The following TNRC6C variants were observed in gnomAD, a reference collection of about 807,000 sequenced individuals.
TNRC6C encodes the protein trinucleotide repeat-containing gene 6C protein.
Under a neutral mutation model 153.7 loss-of-function variants are expected in TNRC6C, and 20 were observed. That is an observed-to-expected ratio of 0.13 (90% CI 0.09 to 0.19). TNRC6C has a LOEUF of 0.19. Ranked by LOEUF, TNRC6C falls within the 10% of genes least tolerant of loss-of-function variation. TNRC6C has a pLI of 1.00. For synonymous variants in TNRC6C, 811 were observed against 841.4 expected (o/e 0.96, Z 0.63); for missense variants, 1,987 against 2,172.0 (o/e 0.91, Z 1.69).
intron 1 of TNRC6C, chr17:78,008,706 C>T (rs544487504): frequency 6.6e-6 from 1 of 152,166 alleles, no homozygotes; most frequent in East Asian, 1.9e-4. Context: ...TTGTTGTAGT[C>T]AACTTTTTCT....
At chr17:77,976,426 C>A (rs2070998114) in intron 1 of TNRC6C, among the ~76,000 whole-genome samples, 1 of 152,186 alleles carries the variant, frequency 6.6e-6, no homozygotes, top group Non-Finnish European at 1.5e-5. Context: ...AGGATTTGTT[C>A]TTGTGATGAT....
At chr17:78,100,913 C>G (rs1311848090) in intron 17 of TNRC6C, among the ~76,000 whole-genome samples, 2 of 151,474 alleles carry the variant, frequency 1.3e-5, no homozygotes, top group East Asian at 3.9e-4. Flanking sequence ...GTAGCTGGGA[C>G]TACAGGTGCC....
At position 78,091,495 on chromosome 17, in the gene TNRC6C, G is replaced by A. The variant is rs759547862; in HGVS notation, c.3858G>A (p.Ser1286=). ...GCATGGACATGACCGGTGGCTTGTC[G>A]GTGAAGGACCCATCCCAGTCCCAGT... Residue 1286 remains serine, a synonymous_variant, in exon 14 of 20, where the codon TCG becomes TCA. Coordinates refer to ENST00000301624, the Ensembl canonical transcript of TNRC6C. The A allele has an allele frequency of 2.3e-5, 37 of 1,608,642 alleles. No homozygotes were observed. In the Admixed American group the frequency reaches 2.5e-4, roughly 11 times the overall value.
intron 1 of TNRC6C, among the ~76,000 whole-genome samples, chr17:78,012,644 C>G (rs2071656455): frequency 6.6e-6 from 1 of 152,124 alleles, no homozygotes; most frequent in African/African-American, 2.4e-5. Flanking sequence ...GTCAGTAGGT[C>G]AGTATAAGCA....
intron 2 of TNRC6C, among the ~76,000 whole-genome samples, chr17:78,042,655 G>T (rs1484783769): frequency 1.3e-5 from 2 of 151,816 alleles, no homozygotes; most frequent in African/African-American, 4.8e-5. Context: ...AAGAATATGT[G>T]GTGATGGTGG....
rs374701318 is a variant in TNRC6C, at chr17:78,067,861, T to C, written c.2716T>C (p.Ser906Pro). ...AGGGGACGTGTGGAATAATGCTGCTTCCCAAGAAAGCACCTCCTCCTGCAG... is the reference window on the plus strand; with the variant it reads ...AGGGGACGTGTGGAATAATGCTGCTCCCCAAGAAAGCACCTCCTCCTGCAG... Residue 906 changes from serine (S) to proline (P), a missense_variant, in exon 5 of 20, where the codon TCC becomes CCC. Ser to Pro is a moderately conservative substitution (Grantham distance 74). This residue lies in a region of TNRC6C where 765 missense variants were observed against 908.6 expected (regional missense o/e 0.84). Transcript: ENST00000301624. 8.4e-5 allele frequency: 135 copies of C among 1,613,632 alleles called. No individual in the cohort carries two copies. Among genetic ancestry groups the C allele is most frequent in the Non-Finnish European group, 1.1e-4 (129 of 1,179,800 alleles).
Position 78,049,274 on chromosome 17 carries a change from A to T in TNRC6C, c.212A>T (p.Asp71Val), listed in dbSNP as rs769288419. 6.2e-7 allele frequency: 1 copy of T among 1,612,568 alleles called. No homozygotes were observed. The highest frequency in any genetic ancestry group is 1.1e-5 in the South Asian group (1 of 90,868). ...GCTCACTGCTCTGTCAGTGGTGGGG[A>T]TGGAAAAATGGACACTATGATTGGA... The change falls in exon 3 of 20, where the codon GAT (aspartate) becomes GTT (valine). Residue 71 changes from aspartate (D) to valine (V), a missense_variant. Around this residue, in one of 4 missense-constraint regions of TNRC6C, gnomAD observed 1,052 missense variants for 1,017.0 expected, o/e 1.03. Coordinates refer to ENST00000301624, the Ensembl canonical transcript of TNRC6C. This position sits in a 1 kb window ranked among gnomAD's most constrained non-coding sequence, Gnocchi z 4.1.
At chr17:77,958,410 A>C (rs995756649), upstream of TNRC6C, among the ~76,000 whole-genome samples, 1 of 151,570 alleles carries the variant, frequency 6.6e-6, no homozygotes, top group East Asian at 2.0e-4. Flanking sequence ...CGGAGCGCGC[A>C]CCGCTCGCAC....
At chr17:77,976,042 T>C (rs961248458) in intron 1 of TNRC6C, among the ~76,000 whole-genome samples, 2 of 151,880 alleles carry the variant, frequency 1.3e-5, no homozygotes, top group African/African-American at 2.4e-5. Flanking sequence ...TGAGCCTTTG[T>C]TTGCTCAGCT....
At chr17:78,046,650 A>T (rs1013324914) in intron 2 of TNRC6C, among the ~76,000 whole-genome samples, 1 of 152,200 alleles carries the variant, frequency 6.6e-6, no homozygotes, top group Non-Finnish European at 1.5e-5. Flanking sequence ...CTTCTACAAG[A>T]TGATACAATG....
exon 15 of TNRC6C, chr17:78,093,040 C>T: frequency 1.2e-6 from 2 of 1,613,842 alleles, no homozygotes; most frequent in Non-Finnish European, 1.7e-6. Flanking sequence ...AGCCAGTCCT[C>T]CCGTAGCTGT....
At chr17:78,003,883 T>G (rs1331307524), upstream of TNRC6C, among the ~76,000 whole-genome samples, 1 of 152,204 alleles carries the variant, frequency 6.6e-6, no homozygotes, top group Non-Finnish European at 1.5e-5. Context: ...GGGGCTGGAC[T>G]GTAGGAGCTG....
intron 1 of TNRC6C, among the ~76,000 whole-genome samples, chr17:77,991,678 T>C (rs2071252647): frequency 6.6e-6 from 1 of 152,176 alleles, no homozygotes; most frequent in Non-Finnish European, 1.5e-5. Flanking sequence ...GTCTCTTTAT[T>C]ATAGCAGCTT....
rs1430361503 is a variant in TNRC6C, at chr17:78,031,493, CTTTT to C, written c.-545-22_-545-19del. 2.4e-6 allele frequency: 3 copies of C among 1,231,806 alleles called. No homozygotes were observed. Among genetic ancestry groups the C allele is most frequent in the Non-Finnish European group, 3.0e-6 (3 of 987,906 alleles). The allele number at this position is 1,231,806 out of a possible 1,614,324, so 76.3% of individuals were successfully genotyped here. The stretch of plus-strand genomic sequence containing the variant: ...AGGGGTCTAGCTAAAGTTTTGGGTT[CTTTT>C]GCCTTTCATTCATTTTAGTGCCAGA... On this transcript the variant is annotated intron_variant, in intron 1 of 19. Transcript: ENST00000301624.
chr17:77,994,726 A>G (rs1037787686), intron 1 of TNRC6C, among the ~76,000 whole-genome samples: 1 of 152,194 alleles, frequency 6.6e-6, no homozygotes, highest in Admixed American at 6.5e-5. Context: ...TTCAGAACAC[A>G]GAAATACCAT....
At chr17:77,974,197 T>G (rs937679817) in intron 1 of TNRC6C, among the ~76,000 whole-genome samples, 1 of 152,122 alleles carries the variant, frequency 6.6e-6, no homozygotes, top group African/African-American at 2.4e-5. Flanking sequence ...TAAAGAGCTC[T>G]CGTAACTTAA....
intron 1 of TNRC6C, among the ~76,000 whole-genome samples, chr17:77,973,552 C>T (rs2070958899): frequency 6.6e-6 from 1 of 152,112 alleles, no homozygotes; most frequent in Non-Finnish European, 1.5e-5. Flanking sequence ...GTGAAACCGT[C>T]CTTATCCACA....
intron 1 of TNRC6C, 23 bp from the exon 4 acceptor site, chr17:78,031,493 C>G (rs1002349082): frequency 3.5e-5 from 43 of 1,231,806 alleles, no homozygotes; most frequent in Non-Finnish European, 4.3e-5. Context: ...GTTTTGGGTT[C>G]TTTTGCCTTT....
intron 1 of TNRC6C, among the ~76,000 whole-genome samples, chr17:77,965,091 C>T (rs941461457): frequency 6.6e-6 from 1 of 152,172 alleles, no homozygotes; most frequent in Non-Finnish European, 1.5e-5. Flanking sequence ...ATGAGTTTAT[C>T]TTATTTAATC....
Sources: gnomAD v4.1 joint callset for allele counts (sites outside exome capture counted in the v4.1 genomes callset) on GRCh38, gnomAD v4.1.1 for gene constraint, gnomAD v4.1.1 regional missense constraint, Gnocchi (gnomAD v3.1) non-coding constraint, MANE v1.5 for transcripts, NCBI Gene and HGNC (gene_info 2026-07-23, HGNC 2026-07-21) for gene names.